PLD5: variants seen among roughly 807,000 people sequenced by gnomAD.
The protein encoded by PLD5 is phospholipase D family member 5, also known as inactive phospholipase D5.
PLD5 carries 36 observed loss-of-function variants against 61.1 expected under a neutral mutation model. The ratio of observed to expected loss-of-function variants is 0.59; its 90% CI spans 0.45 to 0.78. The LOEUF (loss-of-function observed/expected upper bound fraction) is 0.78. Ranked by LOEUF, PLD5 falls within the 30% of genes least tolerant of loss-of-function variation. The probability of loss-of-function intolerance (pLI) is 0.00; values close to 1 mark genes in which losing one functional copy is unlikely to be tolerated. For synonymous variants in PLD5, 243 were observed against 242.8 expected (o/e 1.00, Z -0.01); for missense variants, 515 against 644.4 (o/e 0.80, Z 2.17).
At chr1:242,483,355 T>G (rs1667849684) in intron 1 of PLD5, among the ~76,000 whole-genome samples, 1 of 152,008 alleles carries the variant, frequency 6.6e-6, no homozygotes, top group South Asian at 2.1e-4. Flanking sequence ...AATAAAGGGA[T>G]GGAGGAAGAT....
intron 5 of PLD5, among the ~76,000 whole-genome samples, chr1:242,147,785 T>C (rs1328366551): frequency 6.6e-6 from 1 of 152,236 alleles, no homozygotes; most frequent in Non-Finnish European, 1.5e-5. Flanking sequence ...TTGTTGAAGG[T>C]ATTTATATAC....
chr1:242,373,973 C>CG (rs1553361363), intron 1 of PLD5, among the ~76,000 whole-genome samples: 1 of 149,966 alleles, frequency 6.7e-6, no homozygotes, highest in African/African-American at 2.5e-5. Context: ...ATAATAAAAA[C>CG]AAAAAAAAAG....
At chr1:242,412,245 TCCCACCTCCCATCCCATCA>T (rs1167881349) in intron 1 of PLD5, among the ~76,000 whole-genome samples, 1 of 152,180 alleles carries the variant, frequency 6.6e-6, no homozygotes, top group Non-Finnish European at 1.5e-5. Context: ...ATGAGGTGTG[TCCCACCTCCCATCCCATCA>T]TGGCCATGAA....
rs546351927 is a variant in PLD5, at chr1:242,083,401, GT to G, written c.*6452del. The G allele has an allele frequency of 2.6e-5, 4 of 152,204 alleles. No individual in the cohort carries two copies. Among genetic ancestry groups the G allele is most frequent in the Non-Finnish European group, 5.9e-5 (4 of 68,048 alleles). 9.4% of individuals were successfully genotyped at this position (152,204 alleles called of 1,614,324 possible). On this transcript the variant is annotated 3_prime_UTR_variant, in exon 10 of 10. Coordinates refer to ENST00000536534, the MANE Select transcript of PLD5 (RefSeq NM_001372062.1). ...ACCTTGGTACAATCAGCTGTGGCCA[GT>G]GTAGAGAGCTCACATGGCAGAAAAC... is the stretch of plus-strand genomic sequence containing the variant.
intron 1 of PLD5, among the ~76,000 whole-genome samples, chr1:242,483,185 T>C (rs1465863088): frequency 6.6e-6 from 1 of 152,102 alleles, no homozygotes; most frequent in African/African-American, 2.4e-5. Flanking sequence ...ATCCTAATGA[T>C]AGGATCAAAT....
intron 1 of PLD5, among the ~76,000 whole-genome samples, chr1:242,396,246 T>A (rs1389748199): frequency 6.6e-6 from 1 of 152,152 alleles, no homozygotes; most frequent in Non-Finnish European, 1.5e-5. Context: ...ATCCTGTGCA[T>A]TGTAGGATGC....
chr1:242,270,751 C>T (rs1674014279), intron 3 of PLD5, among the ~76,000 whole-genome samples: 1 of 152,172 alleles, frequency 6.6e-6, no homozygotes. Context: ...GCCAAGGCCA[C>T]CTCCCTAAAC....
chr1:242,354,667 T>C (rs1660658084), intron 1 of PLD5, among the ~76,000 whole-genome samples: 2 of 152,064 alleles, frequency 1.3e-5, no homozygotes. Context: ...CAATACTATG[T>C]TGAATAGAAG....
At chr1:242,298,609 A>C (rs1331726168) in intron 2 of PLD5, among the ~76,000 whole-genome samples, 2 of 152,156 alleles carry the variant, frequency 1.3e-5, no homozygotes, top group Non-Finnish European at 1.5e-5. Flanking sequence ...AACTAAGCAG[A>C]GTGATTTTGA....
intron 1 of PLD5, among the ~76,000 whole-genome samples, chr1:242,355,992 A>C (rs548165902): frequency 2.6e-5 from 4 of 151,496 alleles, no homozygotes. Context: ...TTGCCTTGTG[A>C]CCTAATATAT....
At chr1:242,514,282 C>T (rs1283522381) in intron 1 of PLD5, among the ~76,000 whole-genome samples, 2 of 152,206 alleles carry the variant, frequency 1.3e-5, no homozygotes, top group Non-Finnish European at 2.9e-5. Flanking sequence ...TGTCCAGATT[C>T]TGCTCAAAAG....
chr1:242,300,052 G>A lies in PLD5; in HGVS notation c.327-11522C>T, dbSNP rs1287097286. 6.6e-5 allele frequency among the ~76,000 whole-genome samples: 10 copies of A among 152,368 alleles called. No individual in the cohort carries two copies. In the East Asian group the frequency reaches 1.2e-3, roughly 18 times the overall value. On this transcript the variant is annotated intron_variant, in intron 2 of 9. Transcript: ENST00000536534. Reference sequence around the variant, plus strand: ...AAGGAAAAGGTTGCTTCTTTAGAATGCCAGCCAGGAAAGCCCCTGCTGAAG... The same window carrying A: ...AAGGAAAAGGTTGCTTCTTTAGAATACCAGCCAGGAAAGCCCCTGCTGAAG...
chr1:242,178,549 G>T (rs1452854722), intron 5 of PLD5, among the ~76,000 whole-genome samples: 1 of 152,160 alleles, frequency 6.6e-6, no homozygotes, highest in Non-Finnish European at 1.5e-5. Context: ...TATTTTCAAA[G>T]CATAGGTTTT....
At chr1:242,452,013 G>A (rs372832853) in intron 1 of PLD5, among the ~76,000 whole-genome samples, 2 of 152,004 alleles carry the variant, frequency 1.3e-5, no homozygotes, top group Admixed American at 1.3e-4. Flanking sequence ...CGGGGGCTTC[G>A]GCTCAGTCCT....
At chr1:242,127,335 A>G (rs948651882) in intron 5 of PLD5, among the ~76,000 whole-genome samples, 2 of 152,202 alleles carry the variant, frequency 1.3e-5, no homozygotes, top group African/African-American at 4.8e-5. Flanking sequence ...TCATTATACG[A>G]AAAAATACTT....
intron 5 of PLD5, among the ~76,000 whole-genome samples, chr1:242,137,058 C>T (rs934056420): frequency 6.6e-6 from 1 of 152,190 alleles, no homozygotes. Flanking sequence ...GTCAGTCTGG[C>T]AGCAGCAGGG....
intron 1 of PLD5, among the ~76,000 whole-genome samples, chr1:242,462,486 C>G (rs528521537): frequency 7.9e-5 from 12 of 151,782 alleles, no homozygotes; most frequent in African/African-American, 2.7e-4. Flanking sequence ...GAGGGAGGAA[C>G]GGGCGTGGGT....
intron 5 of PLD5, among the ~76,000 whole-genome samples, chr1:242,184,490 T>C (rs575388199): frequency 6.6e-6 from 1 of 152,286 alleles, no homozygotes; most frequent in East Asian, 1.9e-4. Context: ...TGCCTCAGCC[T>C]TCCAAGTAGC....
At position 242,154,701 on chromosome 1, in the gene PLD5, G is replaced by A. The variant is rs3020841; in HGVS notation, c.736-30036C>T. On this transcript the variant is annotated intron_variant, in intron 5 of 9. Transcript: ENST00000536534. ...GCATCTCAGGGATGAAGCTCACTTG[G>A]TCATGGTGGATAAGCTTTTTGATGT... is the stretch of plus-strand genomic sequence containing the variant. Among the ~76,000 whole-genome samples, 186 of 152,106 alleles carry A rather than the reference G, an allele frequency of 1.2e-3. 1 individual carries two copies. The highest frequency in any genetic ancestry group is 4.3e-3 in the African/African-American group (180 of 41,508).
Sources: allele counts gnomAD v4.1 joint callset (sites outside exome capture counted in the v4.1 genomes callset), GRCh38; gene constraint gnomAD v4.1.1; transcripts MANE v1.5; gene names NCBI Gene and HGNC (gene_info 2026-07-23, HGNC 2026-07-21).